PMFBP1: variants seen among roughly 807,000 people sequenced by gnomAD.
PMFBP1 encodes polyamine modulated factor 1 binding protein 1, also known as polyamine-modulated factor 1-binding protein 1.
Under a neutral mutation model 137.8 loss-of-function variants are expected in PMFBP1, and 131 were observed. That is an observed-to-expected ratio of 0.95 (90% CI 0.82 to 1.10). PMFBP1 has a LOEUF of 1.10. Ranked by LOEUF, PMFBP1 falls within the 50% of genes least tolerant of loss-of-function variation. The pLI, the probability that PMFBP1 is intolerant of heterozygous loss-of-function variation, is 0.00. For synonymous variants in PMFBP1, 490 were observed against 450.4 expected (o/e 1.09, Z -1.11); for missense variants, 1,199 against 1,175.4 (o/e 1.02, Z -0.29).
At chr16:72,235,170 T>G in the PMFBP1 span, among the ~76,000 whole-genome samples, 1 of 152,172 alleles carries the variant, frequency 6.6e-6, no homozygotes, top group Non-Finnish European at 1.5e-5. Flanking sequence ...ATAGTTTTAT[T>G]TCTTACATTT....
At chr16:72,212,083 G>C in the PMFBP1 span, among the ~76,000 whole-genome samples, 69 of 152,248 alleles carry the variant, frequency 4.5e-4, no homozygotes, top group Non-Finnish European at 6.2e-4. Flanking sequence ...ATTATAGCAA[G>C]ATGTAATAGA....
chr16:72,139,671 G>T (rs933364266), intron 6 of PMFBP1, among the ~76,000 whole-genome samples: 1 of 152,148 alleles, frequency 6.6e-6, no homozygotes, highest in Non-Finnish European at 1.5e-5. Context: ...TGATGAGGCA[G>T]AAGAAGGTTC....
At chr16:72,128,007 T>C (rs1400562723) in intron 14 of PMFBP1, among the ~76,000 whole-genome samples, 1 of 152,236 alleles carries the variant, frequency 6.6e-6, no homozygotes, top group Non-Finnish European at 1.5e-5. Flanking sequence ...CTGGAGAAAG[T>C]ATGGCTGCTT....
chr16:72,154,952 G>A (rs2042959575), intron 3 of PMFBP1, among the ~76,000 whole-genome samples: 1 of 152,160 alleles, frequency 6.6e-6, no homozygotes, highest in Non-Finnish European at 1.5e-5. Flanking sequence ...TATTGTTCAG[G>A]TACATCTGGG....
chr16:72,229,631 C>G, the PMFBP1 span, among the ~76,000 whole-genome samples: 1 of 151,902 alleles, frequency 6.6e-6, no homozygotes, highest in Non-Finnish European at 1.5e-5. Flanking sequence ...TTTTCATATG[C>G]TTGTTGCCTG....
upstream of PMFBP1, among the ~76,000 whole-genome samples, chr16:72,179,267 G>A (rs1040838278): frequency 1.3e-5 from 2 of 152,154 alleles, no homozygotes; most frequent in South Asian, 2.1e-4. Context: ...CAATCAAACT[G>A]CATAACCTAA....
At chr16:72,175,995 C>T (rs1375660268), upstream of PMFBP1, among the ~76,000 whole-genome samples, 5 of 152,138 alleles carry the variant, frequency 3.3e-5, no homozygotes, top group African/African-American at 1.2e-4. Flanking sequence ...TGAATCCAAA[C>T]CCGGTTCTAA....
At chr16:72,142,328 G>C (rs569813675) in intron 5 of PMFBP1, among the ~76,000 whole-genome samples, 2 of 152,248 alleles carry the variant, frequency 1.3e-5, no homozygotes, top group East Asian at 3.9e-4. Flanking sequence ...AGAAGGAATA[G>C]GAGAAATATT....
the PMFBP1 span, among the ~76,000 whole-genome samples, chr16:72,203,884 T>G: frequency 6.6e-6 from 1 of 152,212 alleles, no homozygotes; most frequent in Non-Finnish European, 1.5e-5. Context: ...AATCCCCCAC[T>G]GCTGAGCAGG....
chr16:72,145,857 A>G (rs2144380547), intron 5 of PMFBP1, among the ~76,000 whole-genome samples: 1 of 152,324 alleles, frequency 6.6e-6, no homozygotes, highest in Middle Eastern at 3.4e-3. Context: ...GAATAGACCA[A>G]TAACAGGTTA....
chr16:72,208,586 G>A, the PMFBP1 span, among the ~76,000 whole-genome samples: 1 of 152,244 alleles, frequency 6.6e-6, no homozygotes, highest in East Asian at 1.9e-4. Context: ...GCTCAGAAGG[G>A]CTCTGGGGCA....
At chr16:72,231,691 T>C in the PMFBP1 span, among the ~76,000 whole-genome samples, 2 of 152,086 alleles carry the variant, frequency 1.3e-5, no homozygotes, top group African/African-American at 2.4e-5. Flanking sequence ...AAATATAAAA[T>C]ACAAGGCCTG....
rs754375802 is a variant in PMFBP1 at position 72,119,370 on chromosome 16, G to A, written c.3008-16C>T. The A allele has an allele frequency of 1.3e-4, 216 of 1,614,008 alleles. No individual in the cohort carries two copies. The highest frequency in any genetic ancestry group is 1.7e-4 in the Non-Finnish European group (205 of 1,179,976). On this transcript the variant is annotated splice_polypyrimidine_tract_variant and intron_variant, in intron 20 of 20. Coordinates refer to ENST00000237353, the MANE Select transcript of PMFBP1 (RefSeq NM_031293.3). ...TATGAGGAACCTGAGGGAACAGGGA[G>A]GAAATGAGAGTTTTGATTCGAGGAG...
At chr16:72,167,394 CCTAT>C (rs1364515439) in intron 2 of PMFBP1, among the ~76,000 whole-genome samples, 1 of 152,144 alleles carries the variant, frequency 6.6e-6, no homozygotes, top group Non-Finnish European at 1.5e-5. Context: ...CTCTCTTGCT[CCTAT>C]CTTTTGTTCC....
chr16:72,243,738 A>G, the PMFBP1 span, among the ~76,000 whole-genome samples: 1 of 152,244 alleles, frequency 6.6e-6, no homozygotes, highest in African/African-American at 2.4e-5. Flanking sequence ...TTCACAACAC[A>G]TACTCTGAGT....
intron 19 of PMFBP1, among the ~76,000 whole-genome samples, chr16:72,120,900 G>C (rs2042367911): frequency 6.6e-6 from 1 of 152,142 alleles, no homozygotes; most frequent in Non-Finnish European, 1.5e-5. Context: ...GAACACAGGA[G>C]GTCTTATGAA....
the PMFBP1 span, among the ~76,000 whole-genome samples, chr16:72,188,741 C>G: frequency 6.6e-6 from 1 of 152,136 alleles, no homozygotes. Flanking sequence ...ATGGAAAGCG[C>G]TGGTGCCTAA....
chr16:72,170,895 C>G (rs2043211306), intron 2 of PMFBP1, among the ~76,000 whole-genome samples: 1 of 152,060 alleles, frequency 6.6e-6, no homozygotes, highest in South Asian at 2.1e-4. Flanking sequence ...AATAGGTGAT[C>G]ATCATTCATA....
At chr16:72,160,956 A>G (rs1430041649) in intron 3 of PMFBP1, among the ~76,000 whole-genome samples, 4 of 152,334 alleles carry the variant, frequency 2.6e-5, no homozygotes, top group Middle Eastern at 3.4e-3. Context: ...AGGTAGCAGC[A>G]GCAACCATTA....
Sources: allele counts gnomAD v4.1 joint callset (sites outside exome capture counted in the v4.1 genomes callset), GRCh38; gene constraint gnomAD v4.1.1; transcripts MANE v1.5; gene names NCBI Gene and HGNC (gene_info 2026-07-23, HGNC 2026-07-21).